RNF180: variants seen among roughly 807,000 people sequenced by gnomAD.
RNF180 encodes E3 ubiquitin-protein ligase RNF180.
Under a neutral mutation model 59.2 loss-of-function variants are expected in RNF180, and 38 were observed. The observed-to-expected ratio is 0.64, with a 90% CI of 0.50 to 0.84. The LOEUF is 0.84. RNF180 is among the 40% of genes least tolerant of loss of function. The pLI, the probability that RNF180 is intolerant of heterozygous loss-of-function variation, is 0.00. For missense variants in RNF180, 705 were observed against 700.9 expected, an observed-to-expected ratio of 1.01 and a Z score of -0.07; for synonymous variants, 262 against 240.3, an observed-to-expected ratio of 1.09 and a Z score of -0.84.
At chr5:64,328,178 C>T (rs1561264226) in intron 6 of RNF180, among the ~76,000 whole-genome samples, 1 of 152,070 alleles carries the variant, frequency 6.6e-6, no homozygotes, top group African/African-American at 2.4e-5. Context: ...AGTCAATTTT[C>T]CCAAGAGTTA....
rs2112622754 is a variant in RNF180 at position 64,369,638 on chromosome 5, G to A, written c.1603G>A (p.Val535Ile). 6.6e-7 allele frequency: 1 copy of A among 1,523,062 alleles called. No homozygotes were observed. Among genetic ancestry groups the A allele is most frequent in the South Asian group, 1.3e-5 (1 of 78,698 alleles). 94.3% of individuals were successfully genotyped at this position (1,523,062 alleles called of 1,614,324 possible). Reference sequence around the variant, plus strand: ...AGGTTTCCGCAGACATGCAGCTCCAGTTACAAGAAGGCAGTTCCCACACGG... The same window carrying A: ...AGGTTTCCGCAGACATGCAGCTCCAATTACAAGAAGGCAGTTCCCACACGG... ...FGGFRRHAAP[V>I]TRRQFPHGAH... The change falls in exon 8 of 8, where the codon GTT becomes ATT. Residue 535 changes from valine to isoleucine, a missense_variant. By Grantham distance (29) the Val-to-Ile change is conservative. Coordinates refer to ENST00000389100, the MANE Select transcript of RNF180 (RefSeq NM_001113561.2).
chr5:64,186,696 G>A (rs1253633384), intron 1 of RNF180, among the ~76,000 whole-genome samples: 2 of 151,820 alleles, frequency 1.3e-5, no homozygotes, highest in Non-Finnish European at 1.5e-5. Flanking sequence ...ATATTATTGG[G>A]ACCTTCATTA....
chr5:64,235,505 A>G (rs149206518), intron 5 of RNF180, among the ~76,000 whole-genome samples: 75 of 151,868 alleles, frequency 4.9e-4, no homozygotes, highest in African/African-American at 1.7e-3. Flanking sequence ...AGGTAGCCAT[A>G]CTCTCAGATG....
chr5:64,321,098 A>G (rs1220607069), intron 5 of RNF180, among the ~76,000 whole-genome samples: 2 of 152,184 alleles, frequency 1.3e-5, no homozygotes, highest in African/African-American at 4.8e-5. Context: ...TCCATTTGAA[A>G]ACCAGCACAA....
chr5:64,257,361 T>C (rs935398146), intron 5 of RNF180, among the ~76,000 whole-genome samples: 1 of 152,182 alleles, frequency 6.6e-6, no homozygotes, highest in African/African-American at 2.4e-5. Flanking sequence ...GCTCTTATTA[T>C]TTTGAGATAT....
In RNF180 at chr5:64,241,466, CCTA is replaced by C. The variant is rs146317998; in HGVS notation, c.1227+24072_1227+24074del. On this transcript the variant is annotated intron_variant, in intron 5 of 7. Coordinates refer to ENST00000389100, the MANE Select transcript of RNF180 (RefSeq NM_001113561.2). Reference sequence around the variant, plus strand: ...AAACCTGTGGAAGCCAGTCTTGCAGCCTACAAGTTCAGACATTTTAGTACATAA... The same window carrying C: ...AAACCTGTGGAAGCCAGTCTTGCAGCCAAGTTCAGACATTTTAGTACATAA... Among the ~76,000 whole-genome samples the C allele has an allele frequency of 5.0e-3, 758 of 152,284 alleles. 7 individuals are homozygous for C. The highest frequency in any genetic ancestry group is 0.017 in the African/African-American group (714 of 41,556).
chr5:64,308,696 A>G (rs1561252225), intron 5 of RNF180, among the ~76,000 whole-genome samples: 1 of 151,734 alleles, frequency 6.6e-6, no homozygotes, highest in African/African-American at 2.4e-5. Context: ...CAGAGTAAAA[A>G]TATAAAGGGG....
intron 1 of RNF180, among the ~76,000 whole-genome samples, chr5:64,168,730 A>G (rs2111853892): frequency 6.6e-6 from 1 of 152,340 alleles, no homozygotes; most frequent in Admixed American, 6.5e-5. Context: ...CCAAGGCAAT[A>G]TAGCCTCAAA....
intron 1 of RNF180, among the ~76,000 whole-genome samples, chr5:64,191,214 A>G (rs1410320710): frequency 6.6e-6 from 1 of 152,232 alleles, no homozygotes; most frequent in African/African-American, 2.4e-5. Context: ...TGGAAAGTAC[A>G]GAACACTTCC....
intron 5 of RNF180, among the ~76,000 whole-genome samples, chr5:64,294,631 G>T (rs1318820004): frequency 6.6e-6 from 1 of 152,030 alleles, no homozygotes. Flanking sequence ...TTCCAATTTA[G>T]ATCCTCTCCC....
At chr5:64,242,235 C>T (rs985062954) in intron 5 of RNF180, among the ~76,000 whole-genome samples, 7 of 152,240 alleles carry the variant, frequency 4.6e-5, no homozygotes. Context: ...GCACCACCTA[C>T]ATCTGCCACA....
intron 5 of RNF180, among the ~76,000 whole-genome samples, chr5:64,218,921 A>G (rs578250352): frequency 1.3e-5 from 2 of 152,188 alleles, no homozygotes; most frequent in African/African-American, 2.4e-5. Context: ...TATTAAGAGT[A>G]TACATTCTTG....
intron 1 of RNF180, among the ~76,000 whole-genome samples, chr5:64,179,769 C>T (rs1174839701): frequency 3.9e-5 from 6 of 152,146 alleles, no homozygotes; most frequent in Admixed American, 3.3e-4. Context: ...AGTAGAACTG[C>T]ACATCCATGG....
chr5:64,320,107 A>T (rs1744270174), intron 5 of RNF180, among the ~76,000 whole-genome samples: 1 of 152,236 alleles, frequency 6.6e-6, no homozygotes, highest in South Asian at 2.1e-4. Flanking sequence ...TGGGCCCAGC[A>T]TTAATTTAAC....
At chr5:64,267,166 G>T (rs1194481217) in intron 5 of RNF180, among the ~76,000 whole-genome samples, 7 of 152,026 alleles carry the variant, frequency 4.6e-5, no homozygotes, top group Non-Finnish European at 7.4e-5. Context: ...CTGTAGTTAA[G>T]AAATTTTTCG....
intron 5 of RNF180, among the ~76,000 whole-genome samples, chr5:64,278,382 A>G (rs944150850): frequency 8.5e-5 from 13 of 152,172 alleles, no homozygotes; most frequent in South Asian, 2.1e-4. Flanking sequence ...ACAGACAGCA[A>G]GCTCTTCCAG....
At chr5:64,191,016 A>G (rs991691842) in intron 1 of RNF180, among the ~76,000 whole-genome samples, 3 of 152,250 alleles carry the variant, frequency 2.0e-5, no homozygotes, top group African/African-American at 7.2e-5. Flanking sequence ...ATTTCAAAAG[A>G]AGGGTGTAAA....
chr5:64,178,558 A>T (rs1279520144), intron 1 of RNF180, among the ~76,000 whole-genome samples: 9 of 152,164 alleles, frequency 5.9e-5, no homozygotes, highest in African/African-American at 2.2e-4. Context: ...CTTGAAAGGC[A>T]CCTATGTTTT....
At chr5:64,287,628 G>A (rs570757342) in intron 5 of RNF180, among the ~76,000 whole-genome samples, 5 of 152,158 alleles carry the variant, frequency 3.3e-5, no homozygotes, top group African/African-American at 7.2e-5. Context: ...TCTGACTGGC[G>A]TGCAATGGTA....
Sources: gnomAD v4.1 joint callset for allele counts (sites outside exome capture counted in the v4.1 genomes callset) on GRCh38, gnomAD v4.1.1 for gene constraint, MANE v1.5 for transcripts, NCBI Gene and HGNC (gene_info 2026-07-23, HGNC 2026-07-21) for gene names.